GULP1: variants seen among roughly 807,000 people sequenced by gnomAD.
The protein encoded by GULP1 is PTB domain-containing engulfment adapter protein 1.
Under a neutral mutation model 40.9 loss-of-function variants are expected in GULP1, and 19 were observed. That is an observed-to-expected ratio of 0.46 (90% confidence interval 0.32 to 0.68). The LOEUF (loss-of-function observed/expected upper bound fraction) is 0.68. Among genes scored for constraint, GULP1 ranks in the 30% least tolerant of loss-of-function variants. The pLI is 0.03. For missense variants in GULP1, 312 were observed against 362.2 expected (o/e 0.86, Z 1.12); for synonymous variants, 119 against 117.6 (o/e 1.01, Z -0.08).
At chr2:188,507,410 T>A (rs1404598470) in intron 4 of GULP1, among the ~76,000 whole-genome samples, 1 of 150,530 alleles carries the variant, frequency 6.6e-6, no homozygotes, top group Non-Finnish European at 1.5e-5. Flanking sequence ...TTTTTTTTTT[T>A]TTTTTGCTTG....
chr2:188,369,796 C>G (rs2047359945), intron 1 of GULP1, among the ~76,000 whole-genome samples: 1 of 152,184 alleles, frequency 6.6e-6, no homozygotes, highest in African/African-American at 2.4e-5. Context: ...TCTTCCCATC[C>G]CGCTCAGAGT....
chr2:188,502,646 A>G (rs1392914722), intron 4 of GULP1, among the ~76,000 whole-genome samples: 6 of 151,936 alleles, frequency 3.9e-5, no homozygotes. Flanking sequence ...TGACTAATAT[A>G]TGTTAGAAAT....
intron 2 of GULP1, among the ~76,000 whole-genome samples, chr2:188,393,122 C>CATT (rs1041981362): frequency 1.3e-5 from 2 of 151,226 alleles, no homozygotes; most frequent in African/African-American, 4.9e-5. Context: ...AGCTTAAGTC[C>CATT]ATTTTTTTTT....
intron 4 of GULP1, among the ~76,000 whole-genome samples, chr2:188,494,667 C>G (rs896399889): frequency 1.3e-5 from 2 of 152,004 alleles, no homozygotes; most frequent in Non-Finnish European, 1.5e-5. Context: ...AAATGAAAAT[C>G]TAGTCATTTT....
At chr2:188,379,335 G>T (rs1048588615) in intron 1 of GULP1, among the ~76,000 whole-genome samples, 2 of 152,154 alleles carry the variant, frequency 1.3e-5, no homozygotes, top group African/African-American at 4.8e-5. Context: ...GCATTTGGAA[G>T]AATAAAAGGT....
intron 7 of GULP1, among the ~76,000 whole-genome samples, chr2:188,544,377 C>G (rs935263179): frequency 6.6e-6 from 1 of 151,854 alleles, no homozygotes; most frequent in African/African-American, 2.4e-5. Flanking sequence ...AAAATCTTAT[C>G]AAACAGAAAA....
chr2:188,343,224 C>T lies in GULP1; in HGVS notation c.-171-40539C>T, dbSNP rs1269920398. Among the ~76,000 whole-genome samples the T allele has an allele frequency of 1.4e-4, 21 of 151,770 alleles. 1 individual carries two copies. Among genetic ancestry groups the T allele is most frequent in the Admixed American group, 1.1e-3 (17 of 15,232 alleles). On this transcript the variant is annotated intron_variant, in intron 1 of 11. Coordinates refer to ENST00000409830, the MANE Select transcript of GULP1 (RefSeq NM_016315.4). Reference sequence around the variant, plus strand: ...GAAGGGTGACCACAGCCTGTTGATTCTTAATAGCCTTGGAGAGGATAATTC... The same window carrying T: ...GAAGGGTGACCACAGCCTGTTGATTTTTAATAGCCTTGGAGAGGATAATTC...
chr2:188,357,671 C>G, intron 1 of GULP1, among the ~76,000 whole-genome samples: 1 of 152,014 alleles, frequency 6.6e-6, no homozygotes, highest in Non-Finnish European at 1.5e-5. Context: ...ATAGAATTGC[C>G]GTATGATCAG....
intron 1 of GULP1, among the ~76,000 whole-genome samples, chr2:188,373,696 G>A (rs1409993213): frequency 4.6e-5 from 7 of 151,822 alleles, no homozygotes; most frequent in African/African-American, 1.7e-4. Context: ...ATTGTCTTTG[G>A]GAAGAGCTTC....
chr2:188,378,289 A>G (rs961663210), intron 1 of GULP1, among the ~76,000 whole-genome samples: 5 of 151,876 alleles, frequency 3.3e-5, no homozygotes, highest in African/African-American at 4.8e-5. Context: ...AAAAAAAAAA[A>G]AAAAAGAAAA....
At chr2:188,363,367 G>A (rs1366624853) in intron 1 of GULP1, among the ~76,000 whole-genome samples, 1 of 152,074 alleles carries the variant, frequency 6.6e-6, no homozygotes, top group Non-Finnish European at 1.5e-5. Flanking sequence ...CAAAAGCAAT[G>A]GCTGTGCATC....
At chr2:188,440,630 T>C (rs1490652718) in intron 2 of GULP1, among the ~76,000 whole-genome samples, 2 of 152,144 alleles carry the variant, frequency 1.3e-5, no homozygotes, top group African/African-American at 4.8e-5. Context: ...AGTGGCACTA[T>C]CTCGGCTCAC....
chr2:188,536,172 T>A (rs1245691905), intron 6 of GULP1, among the ~76,000 whole-genome samples: 1 of 152,276 alleles, frequency 6.6e-6, no homozygotes, highest in East Asian at 1.9e-4. Context: ...TGATAGTTTC[T>A]TTTGCTGTGC....
intron 1 of GULP1, among the ~76,000 whole-genome samples, chr2:188,379,826 T>C (rs960112358): frequency 1.3e-5 from 2 of 152,208 alleles, no homozygotes; most frequent in African/African-American, 4.8e-5. Flanking sequence ...GCGTGTTCGT[T>C]CTTATTCCTG....
At chr2:188,479,971 A>G (rs1267089094) in intron 3 of GULP1, among the ~76,000 whole-genome samples, 1 of 152,072 alleles carries the variant, frequency 6.6e-6, no homozygotes, top group Non-Finnish European at 1.5e-5. Flanking sequence ...TTCAGGTCTA[A>G]TGATTTAGTA....
chr2:188,428,868 A>G (rs1178456656), intron 2 of GULP1, among the ~76,000 whole-genome samples: 1 of 152,002 alleles, frequency 6.6e-6, no homozygotes, highest in Non-Finnish European at 1.5e-5. Context: ...AGCTCTAAGG[A>G]CTTTAAAAAA....
chr2:188,394,402 T>G (rs1176747443), intron 2 of GULP1, among the ~76,000 whole-genome samples: 1 of 152,126 alleles, frequency 6.6e-6, no homozygotes, highest in Non-Finnish European at 1.5e-5. Context: ...TAAAATATCT[T>G]TCTCTTTAGA....
chr2:188,394,810 C>T (rs1466918255), intron 2 of GULP1, among the ~76,000 whole-genome samples: 1 of 152,030 alleles, frequency 6.6e-6, no homozygotes, highest in East Asian at 1.9e-4. Flanking sequence ...GTATGAGTTC[C>T]TTGGTTATAG....
Position 188,292,077 on chromosome 2 carries a change from C to T in GULP1, c.-261C>T, listed in dbSNP as rs1306489369. The T allele has an allele frequency of 6.6e-6, 1 of 152,358 alleles. No homozygotes were observed. The highest frequency in any genetic ancestry group is 2.4e-5 in the African/African-American group (1 of 41,470). 9.4% of individuals were successfully genotyped at this position (152,358 alleles called of 1,614,324 possible). A position where few individuals can be genotyped will look rare whatever the true frequency, so the allele number is the denominator to read the frequency against. ...TCGGCCTCGGAGACGGCGCCCCGGC[C>T]GTGCCGGAGTGGAGATCGCCAGGCT... On this transcript the variant is annotated 5_prime_UTR_variant, in exon 1 of 12. Transcript: ENST00000409830. This position sits in a 1 kb window ranked among gnomAD's most constrained non-coding sequence, Gnocchi z 4.0.
Sources: allele counts gnomAD v4.1 joint callset (sites outside exome capture counted in the v4.1 genomes callset), GRCh38; gene constraint gnomAD v4.1.1; non-coding constraint Gnocchi (gnomAD v3.1); transcripts MANE v1.5; gene names NCBI Gene and HGNC (gene_info 2026-07-23, HGNC 2026-07-21).